DDI2: variants seen among roughly 807,000 people sequenced by gnomAD.
DDI2 encodes the protein DDI proteasomal shuttling factor 2, also known as protein DDI1 homolog 2.
DDI2 carries 5 observed loss-of-function variants against 48.1 expected under a neutral mutation model. The ratio of observed to expected loss-of-function variants is 0.10; its 90% CI spans 0.05 to 0.22. The LOEUF (loss-of-function observed/expected upper bound fraction) is 0.22, where lower values mean the gene tolerates loss of function less well. Among genes scored for constraint, DDI2 ranks in the 10% least tolerant of loss-of-function variants. The pLI, the probability that DDI2 is intolerant of heterozygous loss-of-function variation, is 1.00. For missense variants in DDI2, 285 were observed against 506.2 expected (o/e 0.56, Z 4.19); for synonymous variants, 205 against 183.6 (o/e 1.12, Z -0.94).
chr1:15,627,016 A>G, intron 2 of DDI2: 2 of 572,100 alleles, frequency 3.5e-6, no homozygotes, highest in Non-Finnish European at 6.1e-6. Flanking sequence ...CAACTCCTAA[A>G]GCTGACGTGA....
chr1:15,642,285 A>G (rs1640023424), intron 5 of DDI2, among the ~76,000 whole-genome samples: 1 of 152,218 alleles, frequency 6.6e-6, no homozygotes, highest in Non-Finnish European at 1.5e-5. Context: ...CGCCGTGTAC[A>G]TGTTTCTGGG....
chr1:15,631,195 AGCCAGCTGAT>A (rs144997572), intron 3 of DDI2, among the ~76,000 whole-genome samples: 31,529 of 151,962 alleles, frequency 0.21, 3,388 homozygotes, highest in Middle Eastern at 0.26. Flanking sequence ...ATCATCAACA[AGCCAGCTGAT>A]GCCAGCTGAT....
chr1:15,626,555 A>T, intron 1 of DDI2, 114 bp from the exon 2 acceptor site: 1 of 1,453,446 alleles, frequency 6.9e-7, no homozygotes, highest in Non-Finnish European at 9.4e-7. Context: ...GTGGGAATCC[A>T]CTGGAGGGTT....
rs1557628452 is a variant in DDI2 at position 15,665,974 on chromosome 1, A to C, written c.*6184A>C. The C allele has an allele frequency of 6.6e-6, 1 of 152,058 alleles. No homozygotes were observed. Among genetic ancestry groups the C allele is most frequent in the Admixed American group, 6.5e-5 (1 of 15,278 alleles). 9.4% of individuals were successfully genotyped at this position (152,058 alleles called of 1,614,324 possible). A position where few individuals can be genotyped will look rare whatever the true frequency, so the allele number is the denominator to read the frequency against. On this transcript the variant is annotated 3_prime_UTR_variant, in exon 10 of 10. Transcript: ENST00000480945. ...ATTTCCCCTTTGGAGTTGGTGACTT[A>C]GTGTAGTCTGTGGCTGACCTAGAAA...
intron 1 of DDI2, among the ~76,000 whole-genome samples, chr1:15,621,954 T>C (rs1639673665): frequency 6.6e-6 from 1 of 152,216 alleles, no homozygotes; most frequent in Non-Finnish European, 1.5e-5. Flanking sequence ...GGCTATTACA[T>C]GGGGTAGTAT....
intron 1 of DDI2, 141 bp from the exon 2 acceptor site, chr1:15,626,528 G>A (rs1639757681): frequency 8.2e-7 from 1 of 1,213,708 alleles, no homozygotes; most frequent in East Asian, 2.5e-5. Flanking sequence ...AGGACTGTGG[G>A]TTTTGTTCTG....
chr1:15,638,405 G>A lies in DDI2; in HGVS notation c.731G>A (p.Gly244Glu), dbSNP rs781184565. ...CTTTATATTAACTGCAAAGTGAATG[G>A]ACATCCTGTGAAAGCCTTTGTTGAC... ...VMLYINCKVN[G>E]HPVKAFVDSG... The change falls in exon 5 of 10, where the codon GGA becomes GAA. Residue 244 changes from glycine to glutamate, a missense_variant. Physicochemically the swap from Gly to Glu is moderately conservative, Grantham distance 98. Around this residue, in one of 3 missense-constraint regions of DDI2, gnomAD observed 70 missense variants for 182.3 expected, o/e 0.38. Transcript: ENST00000480945. The A allele has an allele frequency of 6.2e-7, 1 of 1,613,910 alleles. No homozygotes were observed. Among genetic ancestry groups the A allele is most frequent in the Admixed American group, 1.7e-5 (1 of 60,002 alleles).
intron 4 of DDI2, among the ~76,000 whole-genome samples, chr1:15,635,974 G>A (rs1639921045): frequency 6.6e-6 from 1 of 152,218 alleles, no homozygotes; most frequent in African/African-American, 2.4e-5. Context: ...CAGGGTAGGT[G>A]AACACAGGTT....
At chr1:15,654,148 A>G (rs1640234308) in intron 8 of DDI2, among the ~76,000 whole-genome samples, 1 of 152,180 alleles carries the variant, frequency 6.6e-6, no homozygotes, top group African/African-American at 2.4e-5. Context: ...TAAATTATTA[A>G]GAGTTACAAG....
At chr1:15,648,835 A>AAC (rs1640130689) in intron 6 of DDI2, among the ~76,000 whole-genome samples, 1 of 29,870 alleles carries the variant, frequency 3.3e-5, no homozygotes, top group African/African-American at 1.6e-4. Context: ...ACCCTGTCTC[A>AAC]AAAAAAAAAA....
At chr1:15,651,382 A>G (rs7529759) in intron 7 of DDI2, among the ~76,000 whole-genome samples, 48,760 of 151,844 alleles carry the variant, frequency 0.32, 8,717 homozygotes, top group African/African-American at 0.46. Flanking sequence ...TGCGTGGCAC[A>G]ATCTTGGCTC....
intron 2 of DDI2, 80 bp downstream of exon 2, chr1:15,626,878 C>A: frequency 6.4e-7 from 1 of 1,561,510 alleles, no homozygotes; most frequent in South Asian, 1.1e-5. Flanking sequence ...GTTTTGGATT[C>A]GCTTTGGATT....
chr1:15,622,844 C>T (rs940941095), intron 1 of DDI2, among the ~76,000 whole-genome samples: 4 of 152,162 alleles, frequency 2.6e-5, no homozygotes, highest in Admixed American at 2.6e-4. Context: ...ACAATTTTAG[C>T]TAAGCTTTAG....
chr1:15,661,793 C>A lies in DDI2; in HGVS notation c.*2003C>A. 2.0e-6 allele frequency: 3 copies of A among 1,491,404 alleles called. No homozygotes were observed. The highest frequency in any genetic ancestry group is 2.7e-6 in the Non-Finnish European group (3 of 1,119,608). 92.4% of individuals were successfully genotyped at this position (1,491,404 alleles called of 1,614,324 possible). A position where few individuals can be genotyped will look rare whatever the true frequency, so the allele number is the denominator to read the frequency against. On this transcript the variant is annotated 3_prime_UTR_variant, in exon 10 of 10. Coordinates refer to ENST00000480945, the MANE Select transcript of DDI2 (RefSeq NM_032341.5). The stretch of plus-strand genomic sequence containing the variant: ...AGAAAGCTCTCTCTATATACACGCA[C>A]ACATACACACTCACCACATATACAG...
At chr1:15,653,518 CAAA>C (rs1053021933) in intron 8 of DDI2, among the ~76,000 whole-genome samples, 4 of 151,758 alleles carry the variant, frequency 2.6e-5, no homozygotes, top group African/African-American at 9.7e-5. Context: ...GAAGAACCAA[CAAA>C]AAGAAGTATA....
At chr1:15,642,924 G>T (rs1157004337) in intron 5 of DDI2, among the ~76,000 whole-genome samples, 1 of 152,192 alleles carries the variant, frequency 6.6e-6, no homozygotes, top group Non-Finnish European at 1.5e-5. Context: ...AAAATTAGCC[G>T]GGTGTGGTGG....
chr1:15,646,587 T>C (rs1640095519), intron 6 of DDI2, among the ~76,000 whole-genome samples: 1 of 151,988 alleles, frequency 6.6e-6, no homozygotes. Flanking sequence ...TTCGGGAGGC[T>C]GAGGCAGGAG....
intron 3 of DDI2, among the ~76,000 whole-genome samples, chr1:15,631,493 G>C (rs1639842838): frequency 6.6e-6 from 1 of 152,152 alleles, no homozygotes; most frequent in Non-Finnish European, 1.5e-5. Context: ...GAGTTAAATT[G>C]GGTTAAGTCT....
intron 4 of DDI2, among the ~76,000 whole-genome samples, chr1:15,635,383 A>G (rs906525952): frequency 6.6e-6 from 1 of 152,152 alleles, no homozygotes; most frequent in South Asian, 2.1e-4. Context: ...TGAATGAAGG[A>G]AATAGGGTGA....
Sources: gnomAD v4.1 joint callset for allele counts (sites outside exome capture counted in the v4.1 genomes callset) on GRCh38, gnomAD v4.1.1 for gene constraint, gnomAD v4.1.1 regional missense constraint, MANE v1.5 for transcripts, NCBI Gene and HGNC (gene_info 2026-07-23, HGNC 2026-07-21) for gene names.